The following ULK4 variants were observed in gnomAD, a reference collection of about 807,000 sequenced individuals.
The protein encoded by ULK4 is inactive serine/threonine-protein kinase ULK4.
Under a neutral mutation model 160.6 loss-of-function variants are expected in ULK4, and 133 were observed. That is an observed-to-expected ratio of 0.83 (90% confidence interval 0.72 to 0.96). The LOEUF (loss-of-function observed/expected upper bound fraction) is 0.96, where lower values mean the gene tolerates loss of function less well. Ranked by LOEUF, ULK4 falls within the 40% of genes least tolerant of loss-of-function variation. ULK4 has a pLI of 0.00. For missense variants in ULK4, 1,580 were observed against 1,499.5 expected (o/e 1.05, Z -0.89); for synonymous variants, 534 against 539.8 (o/e 0.99, Z 0.15).
intron 21 of ULK4, among the ~76,000 whole-genome samples, chr3:41,771,744 G>C (rs1387990728): frequency 6.6e-6 from 1 of 151,998 alleles, no homozygotes; most frequent in Non-Finnish European, 1.5e-5. Flanking sequence ...AAATTCAAAA[G>C]TGAAGCAAAG....
At chr3:41,616,787 C>A (rs72862121) in intron 30 of ULK4, among the ~76,000 whole-genome samples, 2 of 152,098 alleles carry the variant, frequency 1.3e-5, no homozygotes, top group African/African-American at 4.8e-5. Context: ...TAGACAGAAC[C>A]GTTCACTCCC....
At chr3:41,492,642 A>G (rs547680389) in intron 32 of ULK4, among the ~76,000 whole-genome samples, 6 of 151,616 alleles carry the variant, frequency 4.0e-5, no homozygotes, top group East Asian at 3.8e-4. Context: ...CAAATTGGAT[A>G]AAGAGTCAAG....
At chr3:41,794,826 C>T (rs1381372052) in intron 20 of ULK4, among the ~76,000 whole-genome samples, 2 of 151,710 alleles carry the variant, frequency 1.3e-5, no homozygotes, top group East Asian at 1.9e-4. Flanking sequence ...AAGGAATTGG[C>T]CATGTAAAAA....
At chr3:41,375,330 T>C (rs1315137383) in intron 35 of ULK4, among the ~76,000 whole-genome samples, 2 of 151,702 alleles carry the variant, frequency 1.3e-5, no homozygotes, top group Non-Finnish European at 2.9e-5. Context: ...GCCAAGACAA[T>C]CCTAAGCAAA....
At chr3:41,648,548 T>C (rs2034606222) in intron 30 of ULK4, among the ~76,000 whole-genome samples, 1 of 152,244 alleles carries the variant, frequency 6.6e-6, no homozygotes, top group South Asian at 2.1e-4. Flanking sequence ...GCCCAATTGA[T>C]AGACCTCATC....
intron 35 of ULK4, among the ~76,000 whole-genome samples, chr3:41,397,401 T>A (rs1019867092): frequency 3.9e-5 from 6 of 152,066 alleles, no homozygotes; most frequent in Non-Finnish European, 8.8e-5. Flanking sequence ...TACACATTGA[T>A]TAAACCAAGT....
chr3:41,642,178 C>T lies in ULK4; in HGVS notation c.3071+21429G>A, dbSNP rs147315190. On this transcript the variant is annotated intron_variant, in intron 30 of 36. Coordinates refer to ENST00000301831, the MANE Select transcript of ULK4 (RefSeq NM_017886.4). ...CGTGACCCACTGCGCCCAGCCAATA[C>T]GTAACAGTTTTTACTCTTTTTTTTT... Among the ~76,000 whole-genome samples, 189 of 152,030 alleles carry T rather than the reference C, an allele frequency of 1.2e-3. 1 individual carries two copies. Among genetic ancestry groups the T allele is most frequent in the African/African-American group, 4.2e-3 (176 of 41,466 alleles).
At chr3:41,287,568 C>A (rs778571649) in intron 35 of ULK4, among the ~76,000 whole-genome samples, 3 of 152,202 alleles carry the variant, frequency 2.0e-5, no homozygotes, top group Admixed American at 6.5e-5. Context: ...TTGCAAAGAA[C>A]AGGACACAGA....
intron 20 of ULK4, among the ~76,000 whole-genome samples, chr3:41,794,672 A>AAAAAAAAAAAAAAAAAC (rs2040246435): frequency 7.7e-6 from 1 of 129,796 alleles, no homozygotes; most frequent in Non-Finnish European, 1.6e-5. Flanking sequence ...AAAAAAAAAA[A>AAAAAAAAAAAAAAAAAC]AAAAAAAAAA....
intron 30 of ULK4, among the ~76,000 whole-genome samples, chr3:41,641,378 C>T (rs2034185908): frequency 6.6e-6 from 1 of 152,112 alleles, no homozygotes; most frequent in African/African-American, 2.4e-5. Flanking sequence ...CTATGAGAAT[C>T]AAGTGGAATA....
intron 35 of ULK4, among the ~76,000 whole-genome samples, chr3:41,252,524 C>T (rs1289105248): frequency 6.9e-6 from 1 of 145,716 alleles, no homozygotes; most frequent in Non-Finnish European, 1.5e-5. Flanking sequence ...GACTCAATAG[C>T]AGAATGGAGA....
At chr3:41,437,058 T>C (rs965247199) in intron 34 of ULK4, among the ~76,000 whole-genome samples, 5 of 152,150 alleles carry the variant, frequency 3.3e-5, no homozygotes, top group Admixed American at 6.5e-5. Flanking sequence ...CTCAAGAAAA[T>C]AGCATTACAG....
rs921364392 is a variant in ULK4 at position 41,434,643 on chromosome 3, A to G, written c.3492+20854T>C. On this transcript the variant is annotated intron_variant, in intron 34 of 36. Coordinates refer to ENST00000301831, the MANE Select transcript of ULK4 (RefSeq NM_017886.4). Reference sequence around the variant, plus strand: ...CCAAAATATTTGGAGAAAAAAATGTAAGATACTGTAAATCATGCAGGTACA... The same window carrying G: ...CCAAAATATTTGGAGAAAAAAATGTGAGATACTGTAAATCATGCAGGTACA... 7.9e-5 allele frequency among the ~76,000 whole-genome samples: 12 copies of G among 152,226 alleles called. No homozygotes were observed. The South Asian group carries it at 2.5e-3, about 32-fold the overall frequency.
chr3:41,734,029 C>T (rs181526820), intron 22 of ULK4, among the ~76,000 whole-genome samples: 313 of 152,178 alleles, frequency 2.1e-3, no homozygotes, highest in African/African-American at 7.2e-3. Context: ...TGAGCCACTG[C>T]GCCCAGCTAG....
At chr3:41,633,342 CT>C (rs2033823099) in intron 30 of ULK4, among the ~76,000 whole-genome samples, 2 of 148,504 alleles carry the variant, frequency 1.3e-5, no homozygotes, top group South Asian at 4.3e-4. Flanking sequence ...TGAAATTCAA[CT>C]TTCAGTTTCC....
chr3:41,957,448 C>CAAAAA (rs11455719), intron 1 of ULK4, among the ~76,000 whole-genome samples: 9,719 of 96,902 alleles, frequency 0.1, 1,034 homozygotes, highest in Middle Eastern at 0.17. Context: ...GAGCACCACT[C>CAAAAA]AAAAAAAAAA....
intron 34 of ULK4, among the ~76,000 whole-genome samples, chr3:41,431,903 C>T (rs2082921563): frequency 6.6e-6 from 1 of 151,332 alleles, no homozygotes; most frequent in Non-Finnish European, 1.5e-5. Flanking sequence ...CATTCTCCTG[C>T]CTCAGCCTCC....
chr3:41,552,713 T>C (rs1180662167), intron 32 of ULK4, among the ~76,000 whole-genome samples: 1 of 145,700 alleles, frequency 6.9e-6, no homozygotes, highest in African/African-American at 2.5e-5. Flanking sequence ...AAAGTACTGA[T>C]GCTATTTTTT....
intron 35 of ULK4, among the ~76,000 whole-genome samples, chr3:41,354,926 C>T (rs1309092767): frequency 6.6e-6 from 1 of 152,146 alleles, no homozygotes; most frequent in African/African-American, 2.4e-5. Context: ...ATGCTCCTCC[C>T]TCTAGTGATG....
Sources: allele counts gnomAD v4.1 joint callset (sites outside exome capture counted in the v4.1 genomes callset), GRCh38; gene constraint gnomAD v4.1.1; transcripts MANE v1.5; gene names NCBI Gene and HGNC (gene_info 2026-07-23, HGNC 2026-07-21).